SPTBN1: variants seen among roughly 807,000 people sequenced by gnomAD.
SPTBN1 encodes spectrin beta, non-erythrocytic 1, also known as spectrin beta chain, non-erythrocytic 1.
Under a neutral mutation model 266.4 loss-of-function variants are expected in SPTBN1, and 32 were observed. That is an observed-to-expected ratio of 0.12 (90% CI 0.09 to 0.16). SPTBN1 has a LOEUF of 0.16. Ranked by LOEUF, SPTBN1 falls within the 10% of genes least tolerant of loss-of-function variation. SPTBN1 has a pLI of 1.00. For missense variants in SPTBN1, 2,296 were observed against 3,067.1 expected (o/e 0.75, Z 5.94); for synonymous variants, 1,336 against 1,162.2 (o/e 1.15, Z -3.04).
chr2:54,632,087 A>AG (rs1378759847), intron 16 of SPTBN1, among the ~76,000 whole-genome samples: 1 of 151,600 alleles, frequency 6.6e-6, no homozygotes, highest in East Asian at 1.9e-4. Context: ...TAAAAAAAAA[A>AG]AAAAAAAAAA....
intron 1 of SPTBN1, among the ~76,000 whole-genome samples, chr2:54,503,204 A>G (rs879321170): frequency 9.8e-5 from 15 of 152,314 alleles, no homozygotes; most frequent in Non-Finnish European, 2.1e-4. Flanking sequence ...ATGCTGATAT[A>G]TTATGCTCAG....
chr2:54,481,297 C>T (rs1055389286), intron 1 of SPTBN1, among the ~76,000 whole-genome samples: 5 of 151,916 alleles, frequency 3.3e-5, no homozygotes, highest in Admixed American at 2.6e-4. Context: ...GAGCTTTTTG[C>T]CCCAGCTTTG....
intron 1 of SPTBN1, among the ~76,000 whole-genome samples, chr2:54,490,095 T>G (rs1179734733): frequency 2.0e-5 from 3 of 151,678 alleles, no homozygotes; most frequent in African/African-American, 7.3e-5. Context: ...TTTTTTTTTT[T>G]TGTGAGGCGG....
chr2:54,623,228 A>C (rs1054309948), intron 9 of SPTBN1, among the ~76,000 whole-genome samples: 2 of 152,202 alleles, frequency 1.3e-5, no homozygotes, highest in Admixed American at 6.5e-5. Flanking sequence ...TGGGGTTTAA[A>C]CCTTGATTTA....
Position 54,664,867 on chromosome 2 carries a change from T to C in SPTBN1, c.6659+176T>C, listed in dbSNP as rs988314168. 1.5e-6 allele frequency: 1 copy of C among 658,348 alleles called. No individual in the cohort carries two copies. The highest frequency in any genetic ancestry group is 2.8e-5 in the East Asian group (1 of 35,968). 40.8% of individuals were successfully genotyped at this position (658,348 alleles called of 1,614,324 possible). ...CTGGAAAGCAGGAGTAGAATGCTGG[T>C]TATTCACTGAGAGAAGAAGAGTTGA... On this transcript the variant is annotated intron_variant, in intron 33 of 35. Coordinates refer to ENST00000356805, the MANE Select transcript of SPTBN1 (RefSeq NM_003128.3). This position sits in a 1 kb window ranked among gnomAD's most constrained non-coding sequence, Gnocchi z 5.6.
At chr2:54,643,682 C>T (rs552642832) in intron 19 of SPTBN1, among the ~76,000 whole-genome samples, 69 of 152,022 alleles carry the variant, frequency 4.5e-4, no homozygotes, top group African/African-American at 1.6e-3. Context: ...TCAGATTCTT[C>T]ACGGTTAAAA....
At chr2:54,585,529 T>C (rs1006815228) in intron 2 of SPTBN1, among the ~76,000 whole-genome samples, 2 of 152,192 alleles carry the variant, frequency 1.3e-5, no homozygotes, top group African/African-American at 4.8e-5. Context: ...CCATTTTATG[T>C]GTGAGGTTGA....
Position 54,649,606 on chromosome 2 carries a change from C to G in SPTBN1, c.5203-9C>G. 6.2e-7 allele frequency: 1 copy of G among 1,602,754 alleles called. No homozygotes were observed. Among genetic ancestry groups the G allele is most frequent in the Non-Finnish European group, 8.5e-7 (1 of 1,170,398 alleles). On this transcript the variant is annotated splice_polypyrimidine_tract_variant and intron_variant, in intron 25 of 35. Transcript: ENST00000356805. The surrounding 1 kb of genome is among the most constrained non-coding windows in gnomAD (Gnocchi z 6.7). The stretch of plus-strand genomic sequence containing the variant: ...GGCTCTCTGATTTCCTTACCCATCC[C>G]CGTTTCAGATGTTACAAGAACGATT...
chr2:54,467,705 T>C (rs1192791280), intron 1 of SPTBN1, among the ~76,000 whole-genome samples: 1 of 152,124 alleles, frequency 6.6e-6, no homozygotes, highest in Admixed American at 6.5e-5. Flanking sequence ...TTATAGTGAT[T>C]ACAATAGTTT....
At chr2:54,548,155 A>G (rs1276045360) in intron 2 of SPTBN1, among the ~76,000 whole-genome samples, 1 of 152,202 alleles carries the variant, frequency 6.6e-6, no homozygotes, top group Non-Finnish European at 1.5e-5. Context: ...AATAAATAAA[A>G]TAATTCTGGT....
intron 1 of SPTBN1, among the ~76,000 whole-genome samples, chr2:54,477,400 CTT>C (rs34731938): frequency 5.7e-4 from 81 of 142,982 alleles, no homozygotes; most frequent in South Asian, 8.9e-4. Flanking sequence ...GTGGCATTAC[CTT>C]TTTTTTTTTT....
chr2:54,542,506 C>G (rs4261758), intron 2 of SPTBN1, among the ~76,000 whole-genome samples: 25,726 of 152,166 alleles, frequency 0.17, 2,234 homozygotes, highest in Middle Eastern at 0.22. Flanking sequence ...CTTGGAGTTA[C>G]GCTAGAAGCA....
chr2:54,477,951 T>A (rs562625161), intron 1 of SPTBN1, among the ~76,000 whole-genome samples: 1 of 151,722 alleles, frequency 6.6e-6, no homozygotes, highest in East Asian at 1.9e-4. Flanking sequence ...TTTTTAAAGG[T>A]GACTTGGGAG....
intron 18 of SPTBN1, 72 bp from the exon 19 acceptor site, chr2:54,642,911 C>T (rs1292738033): frequency 6.4e-7 from 1 of 1,556,748 alleles, no homozygotes; most frequent in East Asian, 2.3e-5. Flanking sequence ...GACATAAACA[C>T]AACCCTTTCC....
In SPTBN1 at chr2:54,670,568, A is replaced by T. The variant is rs769905468; in HGVS notation, c.*1999A>T. On this transcript the variant is annotated 3_prime_UTR_variant, in exon 36 of 36. Coordinates refer to ENST00000356805, the MANE Select transcript of SPTBN1 (RefSeq NM_003128.3). ...CTCAGGGTTGGAATCAAGTTGTTCT[A>T]TTCTCAACAGACCAAAATGTTTAGT... is the stretch of plus-strand genomic sequence containing the variant. 5.0e-6 allele frequency: 2 copies of T among 397,428 alleles called. No homozygotes were observed. Among genetic ancestry groups the T allele is most frequent in the Non-Finnish European group, 8.9e-6 (2 of 225,710 alleles). 24.6% of individuals were successfully genotyped at this position (397,428 alleles called of 1,614,324 possible).
intron 1 of SPTBN1, among the ~76,000 whole-genome samples, chr2:54,481,940 T>G (rs1198907919): frequency 1.3e-5 from 2 of 152,224 alleles, no homozygotes; most frequent in Non-Finnish European, 1.5e-5. Context: ...TCCTTTTACC[T>G]TCTTTTCTGA....
chr2:54,631,395 G>T lies in SPTBN1; in HGVS notation c.3348G>T (p.Glu1116Asp). The T allele has an allele frequency of 6.2e-7, 1 of 1,614,234 alleles. No individual in the cohort carries two copies. Among genetic ancestry groups the T allele is most frequent in the South Asian group, 1.1e-5 (1 of 91,090 alleles). The change falls in exon 16 of 36, where the codon GAG becomes GAT. Residue 1116 changes from glutamate (E) to aspartate (D), a missense_variant. By Grantham distance (45) the Glu-to-Asp change is conservative. Around this residue, in one of 12 missense-constraint regions of SPTBN1, gnomAD observed 386 missense variants for 486.1 expected, o/e 0.79. Coordinates refer to ENST00000356805, the MANE Select transcript of SPTBN1 (RefSeq NM_003128.3). ...AGAACGAGATCGACAACTACGAGGA[G>T]GACTACCAGAAGATGAGGGACATGG... ...NIKNEIDNYE[E>D]DYQKMRDMGE...
chr2:54,505,294 C>T (rs994191564), intron 1 of SPTBN1, among the ~76,000 whole-genome samples: 2 of 152,170 alleles, frequency 1.3e-5, no homozygotes, highest in Non-Finnish European at 2.9e-5. Flanking sequence ...ACACAGTACT[C>T]AGTTCTTTCT....
chr2:54,563,718 C>T (rs1201968415), intron 2 of SPTBN1, among the ~76,000 whole-genome samples: 1 of 148,886 alleles, frequency 6.7e-6, no homozygotes, highest in African/African-American at 2.5e-5. Context: ...ATTCTCCTGC[C>T]TCAGTCTCCT....
Sources: allele counts gnomAD v4.1 joint callset (sites outside exome capture counted in the v4.1 genomes callset), GRCh38; gene constraint gnomAD v4.1.1; regional missense constraint gnomAD v4.1.1; non-coding constraint Gnocchi (gnomAD v3.1); transcripts MANE v1.5; gene names NCBI Gene and HGNC (gene_info 2026-07-23, HGNC 2026-07-21).